Variants in WWOX observed in about 807,000 individuals in gnomAD.
The protein encoded by WWOX is WW domain-containing oxidoreductase.
A neutral mutation model predicts 46.2 loss-of-function variants in WWOX; 69 were observed. The ratio of observed to expected loss-of-function variants is 1.49; its 90% CI spans 1.23 to 1.82. The LOEUF is 1.82. WWOX is among the 40% of genes most tolerant of loss of function. The probability of loss-of-function intolerance (pLI) is 0.00; values close to 1 mark genes in which losing one functional copy is unlikely to be tolerated. For missense variants in WWOX, 919 were observed against 542.6 expected (o/e 1.69, Z -6.89); for synonymous variants, 359 against 202.6 (o/e 1.77, Z -6.56).
intron 8 of WWOX, among the ~76,000 whole-genome samples, chr16:78,497,041 G>C (rs1278582353): frequency 6.6e-6 from 1 of 152,230 alleles, no homozygotes; most frequent in East Asian, 1.9e-4. Context: ...AAATTATTCT[G>C]CAGGGAGATT....
chr16:78,226,036 A>C (rs1204689231), intron 5 of WWOX, among the ~76,000 whole-genome samples: 1 of 152,220 alleles, frequency 6.6e-6, no homozygotes, highest in Non-Finnish European at 1.5e-5. Context: ...AAAACAAAAC[A>C]ACGAAAACTT....
intron 8 of WWOX, among the ~76,000 whole-genome samples, chr16:78,975,025 G>T (rs1394856335): frequency 1.3e-5 from 2 of 152,196 alleles, no homozygotes; most frequent in African/African-American, 2.4e-5. Context: ...TGAGACCGTT[G>T]TTGGATGTGA....
intron 8 of WWOX, among the ~76,000 whole-genome samples, chr16:78,857,431 A>T (rs1027427554): frequency 6.6e-6 from 1 of 152,184 alleles, no homozygotes; most frequent in Non-Finnish European, 1.5e-5. Context: ...TCTGGAATAG[A>T]ACCTTTTTTT....
intron 8 of WWOX, among the ~76,000 whole-genome samples, chr16:78,710,885 G>A (rs905980479): frequency 2.6e-5 from 4 of 152,016 alleles, no homozygotes. Flanking sequence ...CCAAAGTGCT[G>A]GGATTACAGG....
At chr16:78,562,626 C>A (rs778655935) in intron 8 of WWOX, among the ~76,000 whole-genome samples, 1 of 152,218 alleles carries the variant, frequency 6.6e-6, no homozygotes, top group Non-Finnish European at 1.5e-5. Context: ...AGGCCTGTTT[C>A]CATACATAGC....
At chr16:78,335,311 C>T (rs144342192) in intron 5 of WWOX, among the ~76,000 whole-genome samples, 14 of 152,218 alleles carry the variant, frequency 9.2e-5, no homozygotes, top group Middle Eastern at 6.8e-3. Context: ...TGTGTGTTAT[C>T]CGCCTCCACC....
At chr16:79,172,108 G>C (rs532524223) in intron 8 of WWOX, among the ~76,000 whole-genome samples, 4 of 152,296 alleles carry the variant, frequency 2.6e-5, no homozygotes, top group African/African-American at 9.6e-5. Flanking sequence ...CCATGTAGCA[G>C]GTGGAGGCCA....
chr16:79,198,374 A>C (rs751572644), intron 8 of WWOX, among the ~76,000 whole-genome samples: 3 of 152,114 alleles, frequency 2.0e-5, no homozygotes, highest in Non-Finnish European at 2.9e-5. Context: ...AGTAAGATTA[A>C]AAACAAGTAA....
chr16:78,168,243 C>G (rs1186041174), intron 5 of WWOX: 1 of 152,276 alleles, frequency 6.6e-6, no homozygotes, highest in Non-Finnish European at 1.5e-5. Context: ...CCCATTCTTC[C>G]TCTTCCTGCC....
intron 8 of WWOX, among the ~76,000 whole-genome samples, chr16:78,452,499 C>T (rs796770575): frequency 6.5e-4 from 71 of 108,942 alleles, no homozygotes; most frequent in African/African-American, 2.4e-3. Flanking sequence ...TTTTTTGAGA[C>T]GGAGTCTTAT....
intron 8 of WWOX, chr16:78,825,826 C>G (rs2051637698): frequency 3.3e-6 from 2 of 598,950 alleles, no homozygotes; most frequent in South Asian, 2.0e-5. Context: ...TTCTGGGCAT[C>G]AAGGTGAAGG....
intron 8 of WWOX, among the ~76,000 whole-genome samples, chr16:78,804,188 C>T (rs1051806681): frequency 1.8e-4 from 27 of 152,070 alleles, no homozygotes; most frequent in Admixed American, 1.8e-3. Flanking sequence ...TCTTGAAGAG[C>T]CCAGGAACTG....
intron 8 of WWOX, among the ~76,000 whole-genome samples, chr16:78,759,553 T>C (rs1350872212): frequency 6.6e-6 from 1 of 152,086 alleles, no homozygotes; most frequent in African/African-American, 2.4e-5. Flanking sequence ...CAAACCTAGG[T>C]ACTCATTGAA....
At chr16:78,427,290 T>C (rs1347450057) in intron 7 of WWOX, among the ~76,000 whole-genome samples, 1 of 152,338 alleles carries the variant, frequency 6.6e-6, no homozygotes, top group East Asian at 1.9e-4. Flanking sequence ...TTTATTAGCC[T>C]TCCTGTGTCT....
intron 5 of WWOX, among the ~76,000 whole-genome samples, chr16:78,260,763 A>G (rs1336326897): frequency 6.8e-6 from 1 of 147,838 alleles, no homozygotes; most frequent in Non-Finnish European, 1.5e-5. Flanking sequence ...ACATGGTGAA[A>G]CCCCGTCTGT....
At chr16:78,612,566 C>T (rs2045926600) in intron 8 of WWOX, among the ~76,000 whole-genome samples, 1 of 152,208 alleles carries the variant, frequency 6.6e-6, no homozygotes, top group Non-Finnish European at 1.5e-5. Flanking sequence ...GCCTGGAACT[C>T]ATGGGCTCAA....
intron 6 of WWOX, among the ~76,000 whole-genome samples, chr16:78,413,747 G>C (rs2082734546): frequency 6.6e-6 from 1 of 151,968 alleles, no homozygotes; most frequent in South Asian, 2.1e-4. Flanking sequence ...AATCAAAGGT[G>C]CCCTCCTGTG....
chr16:79,192,806 G>A (rs970861168), intron 8 of WWOX, among the ~76,000 whole-genome samples: 7 of 152,138 alleles, frequency 4.6e-5, no homozygotes, highest in Admixed American at 1.3e-4. Flanking sequence ...CATTTGAATC[G>A]CAACTCTGTC....
intron 8 of WWOX, among the ~76,000 whole-genome samples, chr16:79,063,681 C>T (rs1295307287): frequency 1.3e-5 from 2 of 152,154 alleles, no homozygotes; most frequent in Non-Finnish European, 2.9e-5. Context: ...TTTGGATTGA[C>T]GTGCCAGCAC....
Sources: gnomAD v4.1 joint callset for allele counts (sites outside exome capture counted in the v4.1 genomes callset) on GRCh38, gnomAD v4.1.1 for gene constraint, MANE v1.5 for transcripts, NCBI Gene and HGNC (gene_info 2026-07-23, HGNC 2026-07-21) for gene names.